Variants in ACSM5 observed in about 807,000 individuals in gnomAD.
ACSM5 encodes the protein acyl-CoA synthetase medium chain family member 5.
ACSM5 carries 56 observed loss-of-function variants against 71.6 expected under a neutral mutation model. The ratio of observed to expected loss-of-function variants is 0.78; its 90% CI spans 0.63 to 0.98. The LOEUF (loss-of-function observed/expected upper bound fraction) is 0.98. Ranked by LOEUF, ACSM5 falls within the 50% of genes least tolerant of loss-of-function variation. The pLI is 0.00. For synonymous variants in ACSM5, 285 were observed against 281.5 expected, an observed-to-expected ratio of 1.01 and a Z score of -0.12; for missense variants, 723 against 726.0, an observed-to-expected ratio of 1.00 and a Z score of 0.05.
Position 20,429,669 on chromosome 16 carries a change from C to T in ACSM5, c.1002-9C>T, listed in dbSNP as rs762832693. The T allele has an allele frequency of 1.5e-5, 25 of 1,613,668 alleles. No homozygotes were observed. In the Admixed American group the frequency reaches 3.7e-4, roughly 24 times the overall value. On this transcript the variant is annotated splice_polypyrimidine_tract_variant and intron_variant, in intron 7 of 13. Coordinates refer to ENST00000331849, the MANE Select transcript of ACSM5 (RefSeq NM_017888.3). ...GACATAGGTGGCCTTGTTTTCCTGT[C>T]TGAGAAAGGTACCAGTTTCAGAGCC...
intron 6 of ACSM5, among the ~76,000 whole-genome samples, chr16:20,426,391 G>C (rs1966980777): frequency 1.3e-5 from 2 of 152,208 alleles, no homozygotes; most frequent in Admixed American, 6.5e-5. Flanking sequence ...GCTGGAGGTA[G>C]CTTAATGAGG....
rs56853520 is a variant in ACSM5, at chr16:20,432,847, CTTTTTT to C, written c.1308+1547_1308+1552del. 1.3e-3 allele frequency among the ~76,000 whole-genome samples: 73 copies of C among 57,600 alleles called. 1 individual carries two copies. In the East Asian group the frequency reaches 0.017, roughly 13 times the overall value. 37.8% of individuals were successfully genotyped at this position (57,600 alleles called of 152,430 possible). A position where few individuals can be genotyped will look rare whatever the true frequency, so the allele number is the denominator to read the frequency against. On this transcript the variant is annotated intron_variant, in intron 10 of 13. Transcript: ENST00000331849. ...CAGTTAGTTTTCTTTCCAGATCATT[CTTTTTT>C]TTTTTTTTTTTTTTTTTTTTGTGAC... is the stretch of plus-strand genomic sequence containing the variant.
intron 13 of ACSM5, 85 bp downstream of exon 13, chr16:20,440,004 G>A: frequency 1.3e-6 from 2 of 1,548,662 alleles, no homozygotes; most frequent in Non-Finnish European, 8.9e-7. Flanking sequence ...GCCAGGCCCT[G>A]TGCCAGGCAC....
rs1966848652 is a variant in ACSM5, at chr16:20,411,957, C to T, written c.204+269C>T. 8.9e-6 allele frequency: 4 copies of T among 450,562 alleles called. No individual in the cohort carries two copies. The South Asian group carries it at 9.6e-5, about 11-fold the overall frequency. The allele number at this position is 450,562 out of a possible 1,614,324, so 27.9% of individuals were successfully genotyped here. ...GAGACAGTTATGTCCCTTCCGATTC[C>T]CTTCCAGTTGTTCATCAACTGAAGG... On this transcript the variant is annotated intron_variant, in intron 2 of 13. Coordinates refer to ENST00000331849, the MANE Select transcript of ACSM5 (RefSeq NM_017888.3).
At chr16:20,421,910 T>C (rs1408850717) in intron 5 of ACSM5, among the ~76,000 whole-genome samples, 1 of 151,630 alleles carries the variant, frequency 6.6e-6, no homozygotes, top group Non-Finnish European at 1.5e-5. Context: ...TTTTCATCTC[T>C]GTGAATTTGA....
At chr16:20,427,955 A>C in intron 7 of ACSM5, 88 bp downstream of exon 7, 1 of 967,890 alleles carries the variant, frequency 1.0e-6, no homozygotes, top group Non-Finnish European at 1.6e-6. Context: ...CTCTCATTCC[A>C]ACTCTCTTTC....
intron 4 of ACSM5, chr16:20,419,905 G>A (rs1223856722): frequency 5.0e-6 from 1 of 199,252 alleles, no homozygotes; most frequent in East Asian, 1.3e-4. Flanking sequence ...CACCATAATG[G>A]ATCAAACATC....
intron 10 of ACSM5, among the ~76,000 whole-genome samples, chr16:20,431,821 C>G (rs897671586): frequency 6.6e-6 from 1 of 152,000 alleles, no homozygotes; most frequent in South Asian, 2.1e-4. Context: ...CATGGTGGCG[C>G]ACGCCTCTAT....
chr16:20,429,961 T>C (rs572680455), intron 8 of ACSM5, among the ~76,000 whole-genome samples, 160 bp downstream of exon 8: 2 of 152,194 alleles, frequency 1.3e-5, no homozygotes, highest in African/African-American at 4.8e-5. Context: ...TTGATTTCCA[T>C]ATGTTCTCAC....
intron 2 of ACSM5, among the ~76,000 whole-genome samples, chr16:20,417,601 A>G (rs1477586825): frequency 6.6e-6 from 1 of 152,210 alleles, no homozygotes; most frequent in Non-Finnish European, 1.5e-5. Flanking sequence ...TTTTAGGGCA[A>G]TAAAAATGTT....
intron 5 of ACSM5, among the ~76,000 whole-genome samples, chr16:20,423,063 A>C (rs1231586763): frequency 6.6e-6 from 1 of 152,188 alleles, no homozygotes; most frequent in East Asian, 1.9e-4. Context: ...GTTAATGAGA[A>C]AGATTCATGC....
intron 3 of ACSM5, 61 bp downstream of exon 3, chr16:20,418,330 G>A (rs1005878456): frequency 6.6e-7 from 1 of 1,505,978 alleles, no homozygotes; most frequent in South Asian, 1.3e-5. Flanking sequence ...GAGCTTTGCA[G>A]TGTCCACAGG....
intron 5 of ACSM5, among the ~76,000 whole-genome samples, chr16:20,422,151 G>T (rs141649387): frequency 6.6e-6 from 1 of 151,286 alleles, no homozygotes; most frequent in Admixed American, 6.6e-5. Flanking sequence ...TTGCTCTTTT[G>T]CCCAGGCTGG....
intron 1 of ACSM5, among the ~76,000 whole-genome samples, chr16:20,410,338 T>C (rs1966845263): frequency 6.6e-6 from 1 of 152,186 alleles, no homozygotes; most frequent in Admixed American, 6.5e-5. Flanking sequence ...AACATGCATA[T>C]GACTCATCTG....
In ACSM5 at chr16:20,423,986, T is replaced by C. The variant is rs1567343297; in HGVS notation, c.838T>C (p.Trp280Arg). 1 of 1,614,204 alleles carries C rather than the reference T, an allele frequency of 6.2e-7. No individual in the cohort carries two copies. The highest frequency in any genetic ancestry group is 8.5e-7 in the Non-Finnish European group (1 of 1,180,014). ...TTDTGWVKAA[W>R]TLFSAWPNGS... is the part of the protein sequence containing the mutation. ...TGACACTGGCTGGGTGAAGGCAGCC[T>C]GGACTCTCTTCTCTGCCTGGCCTAA... Residue 280 changes from tryptophan (W) to arginine (R), a missense_variant, in exon 6 of 14, where the codon TGG becomes CGG. Trp to Arg is a moderately radical substitution (Grantham distance 101). Transcript: ENST00000331849.
At chr16:20,428,399 C>T (rs1458124144) in intron 7 of ACSM5, among the ~76,000 whole-genome samples, 1 of 152,202 alleles carries the variant, frequency 6.6e-6, no homozygotes, top group Non-Finnish European at 1.5e-5. Flanking sequence ...TGCCATTGGG[C>T]ACCCAAGAGA....
rs759635145 is a variant in ACSM5, at chr16:20,411,579, C to T, written c.95C>T (p.Pro32Leu). ...GGGAAGCCAGCACCTCTACCTGTTCCTCAGAAGATCGTGGCCACCTGGGAA... is the reference window on the plus strand; with the variant it reads ...GGGAAGCCAGCACCTCTACCTGTTCTTCAGAAGATCGTGGCCACCTGGGAA... Reference protein sequence around the residue: ...SHGKPAPLPVPQKIVATWEAI... With the variant: ...SHGKPAPLPVLQKIVATWEAI... The change falls in exon 2 of 14, where the codon CCT becomes CTT. Residue 32 changes from proline (P) to leucine (L), a missense_variant. By Grantham distance (98) the Pro-to-Leu change is moderately conservative. Transcript: ENST00000331849. 4 of 1,614,180 alleles carry T rather than the reference C, an allele frequency of 2.5e-6. No homozygotes were observed. Among genetic ancestry groups the T allele is most frequent in the Non-Finnish European group, 3.4e-6 (4 of 1,180,034 alleles).
rs528452514 is a variant in ACSM5 at position 20,437,059 on chromosome 16, C to T, written c.1316C>T (p.Pro439Leu). 11 of 1,614,122 alleles carry T rather than the reference C, an allele frequency of 6.8e-6. No homozygotes were observed. Among genetic ancestry groups the T allele is most frequent in the Non-Finnish European group, 9.3e-6 (11 of 1,180,018 alleles). The change falls in exon 11 of 14, where the codon CCT becomes CTT. Residue 439 changes from proline (P) to leucine (L), a missense_variant. Physicochemically the swap from Pro to Leu is moderately conservative, Grantham distance 98. Coordinates refer to ENST00000331849, the MANE Select transcript of ACSM5 (RefSeq NM_017888.3). ...GTTGTCTTTGTCTTTCAGGACAATC[C>T]TGAGAAGACAGCTGCATCAGAACAA... is the stretch of plus-strand genomic sequence containing the variant. The part of the protein sequence containing the change: ...FCFFNCYLDN[P>L]EKTAASEQGD...
intron 12 of ACSM5, among the ~76,000 whole-genome samples, chr16:20,438,693 T>C (rs9930045): frequency 0.037 from 5,650 of 151,318 alleles, 382 homozygotes; most frequent in African/African-American, 0.13. Flanking sequence ...CGGTGGCTCA[T>C]GTCTGTAATC....
Sources: gnomAD v4.1 joint callset for allele counts (sites outside exome capture counted in the v4.1 genomes callset) on GRCh38, gnomAD v4.1.1 for gene constraint, MANE v1.5 for transcripts, NCBI Gene and HGNC (gene_info 2026-07-23, HGNC 2026-07-21) for gene names.